The following H2BC12 variants were observed in gnomAD, a reference collection of about 807,000 sequenced individuals.
H2BC12 encodes histone H2B type 1-K.
In H2BC12, 6 loss-of-function variants were observed where a neutral mutation model predicts 6.3. The ratio of observed to expected loss-of-function variants is 0.95; its 90% CI spans 0.52 to 1.87. The LOEUF (loss-of-function observed/expected upper bound fraction) is 1.87, where lower values mean the gene tolerates loss of function less well. Among genes scored for constraint, H2BC12 ranks in the 40% most tolerant of loss-of-function variants. The pLI, the probability that H2BC12 is intolerant of heterozygous loss-of-function variation, is 0.01. For missense variants in H2BC12, 119 were observed against 178.4 expected (o/e 0.67, Z 1.90); for synonymous variants, 132 against 78.5 (o/e 1.68, Z -3.60).
At chr6:27,140,892 A>G in the H2BC12 span, among the ~76,000 whole-genome samples, 4 of 151,070 alleles carry the variant, frequency 2.6e-5, no homozygotes, top group African/African-American at 9.7e-5. Context: ...ATATTCTGTC[A>G]CCTTGTGGGT....
the H2BC12 span, chr6:27,139,246 G>C: frequency 1.3e-6 from 2 of 1,522,142 alleles, no homozygotes; most frequent in Non-Finnish European, 1.8e-6. Flanking sequence ...GGTCCGCAGA[G>C]GTTACCCATA....
the H2BC12 span, chr6:27,139,654 G>A: frequency 6.4e-7 from 1 of 1,573,222 alleles, no homozygotes; most frequent in Non-Finnish European, 8.6e-7. Flanking sequence ...TCTCTAAAAA[G>A]GCCCTTTTTA....
At chr6:27,144,035 T>C (rs1196707256), downstream of H2BC12, among the ~76,000 whole-genome samples, 1 of 152,050 alleles carries the variant, frequency 6.6e-6, no homozygotes, top group East Asian at 1.9e-4. Context: ...ATATATGGTA[T>C]AATGGAAACA....
chr6:27,146,284 G>C, downstream of H2BC12: 1 of 1,433,322 alleles, frequency 7.0e-7, no homozygotes. Context: ...ATAAGATCAT[G>C]ATAATCCCTT....
downstream of H2BC12, among the ~76,000 whole-genome samples, chr6:27,141,478 T>TCA (rs1241046247): frequency 6.6e-6 from 1 of 152,122 alleles, no homozygotes; most frequent in Non-Finnish European, 1.5e-5. Context: ...GAGCATAGAT[T>TCA]CAAATTGCCC....
chr6:27,139,668 C>T, the H2BC12 span: 2 of 1,543,404 alleles, frequency 1.3e-6, no homozygotes, highest in Non-Finnish European at 1.7e-6. Context: ...CTTTTTAGGG[C>T]CCCTAAGCTT....
At chr6:27,139,580 T>C in the H2BC12 span, 1 of 1,613,836 alleles carries the variant, frequency 6.2e-7, no homozygotes, top group South Asian at 1.1e-5. Context: ...GTCTACGCGC[T>C]CAAGCGCCAG....
chr6:27,142,279 C>CT (rs201977751), downstream of H2BC12, among the ~76,000 whole-genome samples: 1,104 of 151,408 alleles, frequency 7.3e-3, 7 homozygotes, highest in African/African-American at 0.022. Flanking sequence ...ACTTTTTTAA[C>CT]TTTTTTTTTG....
rs569415266 is a variant in H2BC12 at position 27,146,789 on chromosome 6, G to T, written c.10C>A (p.Pro4Thr). The T allele has an allele frequency of 1.9e-6, 3 of 1,613,948 alleles. No individual in the cohort carries two copies. The highest frequency in any genetic ancestry group is 2.7e-5 in the African/African-American group (2 of 75,004). MPEPAKSAPAPKKG... is the reference protein window; with the variant it reads MPETAKSAPAPKKG... ...TTGGGCGCGGGAGCGGACTTCGCTG[G>T]TTCCGGCATGTTGAAGGCGAACTAC... Residue 4 changes from proline (P) to threonine (T), a missense_variant, in exon 1 of 1, where the codon CCA becomes ACA. Transcript: ENST00000356950.
At chr6:27,141,332 C>T in the H2BC12 span, among the ~76,000 whole-genome samples, 2 of 151,968 alleles carry the variant, frequency 1.3e-5, no homozygotes, top group African/African-American at 2.4e-5. Flanking sequence ...TGGATTATCT[C>T]GTATCTCATA....
downstream of H2BC12, among the ~76,000 whole-genome samples, chr6:27,146,028 T>C (rs996098752): frequency 4.6e-5 from 7 of 152,148 alleles, no homozygotes; most frequent in African/African-American, 1.4e-4. Context: ...TAGAACGCCA[T>C]TACATGGTGG....
downstream of H2BC12, among the ~76,000 whole-genome samples, chr6:27,144,158 A>G (rs1296092857): frequency 6.6e-6 from 1 of 152,168 alleles, no homozygotes; most frequent in South Asian, 2.1e-4. Flanking sequence ...GATTCCTTCA[A>G]GCTGTTAAAT....
At chr6:27,143,349 C>CA (rs935778179), downstream of H2BC12, among the ~76,000 whole-genome samples, 19 of 147,766 alleles carry the variant, frequency 1.3e-4, no homozygotes, top group Middle Eastern at 3.4e-3. Flanking sequence ...AAGACTGTCT[C>CA]AAAAAAAAGA....
the H2BC12 span, chr6:27,139,308 A>T: frequency 6.2e-7 from 1 of 1,602,320 alleles, no homozygotes; most frequent in Non-Finnish European, 8.5e-7. Flanking sequence ...ACCACTTGAT[A>T]ATGTCAGGAC....
At chr6:27,145,761 G>T (rs12205921), downstream of H2BC12, among the ~76,000 whole-genome samples, 9,968 of 152,218 alleles carry the variant, frequency 0.065, 597 homozygotes, top group Non-Finnish European at 0.086. Flanking sequence ...TCTCCGTGAT[G>T]ATTTCATGTT....
the H2BC12 span, chr6:27,138,731 T>TA: frequency 6.6e-6 from 1 of 152,194 alleles, no homozygotes; most frequent in Non-Finnish European, 1.5e-5. Context: ...CCTTGATTCT[T>TA]AGACTTGTTT....
At chr6:27,142,667 C>T (rs1451564344), downstream of H2BC12, among the ~76,000 whole-genome samples, 2 of 112,118 alleles carry the variant, frequency 1.8e-5, no homozygotes, top group Non-Finnish European at 3.3e-5. Flanking sequence ...GAGACAGTCT[C>T]GCTCTGTCGC....
chr6:27,144,891 G>T (rs1760051471), downstream of H2BC12, among the ~76,000 whole-genome samples: 1 of 152,040 alleles, frequency 6.6e-6, no homozygotes, highest in African/African-American at 2.4e-5. Context: ...TTGCCTCCTG[G>T]CTTCCAGCAA....
the H2BC12 span, among the ~76,000 whole-genome samples, chr6:27,140,095 G>A: frequency 6.6e-6 from 1 of 151,946 alleles, no homozygotes; most frequent in Non-Finnish European, 1.5e-5. Context: ...GGGGGGAGGG[G>A]GACAGACCAT....
Sources: gnomAD v4.1 joint callset for allele counts (sites outside exome capture counted in the v4.1 genomes callset) on GRCh38, gnomAD v4.1.1 for gene constraint, MANE v1.5 for transcripts, NCBI Gene and HGNC (gene_info 2026-07-23, HGNC 2026-07-21) for gene names.